The following ATAD2B variants were observed in gnomAD, a reference collection of about 807,000 sequenced individuals.
The protein encoded by ATAD2B is ATPase family AAA domain containing 2B.
A neutral mutation model predicts 167.6 loss-of-function variants in ATAD2B; 40 were observed. The observed-to-expected ratio is 0.24, with a 90% CI of 0.19 to 0.31. ATAD2B has a LOEUF of 0.31. Among genes scored for constraint, ATAD2B ranks in the 10% least tolerant of loss-of-function variants. The pLI is 1.00. For synonymous variants in ATAD2B, 579 were observed against 596.5 expected (o/e 0.97, Z 0.43); for missense variants, 1,242 against 1,757.2 (o/e 0.71, Z 5.24).
intron 2 of ATAD2B, among the ~76,000 whole-genome samples, chr2:23,889,597 G>C (rs1460742511): frequency 2.0e-5 from 3 of 152,034 alleles, no homozygotes; most frequent in Non-Finnish European, 4.4e-5. Flanking sequence ...GCCCAGCAAA[G>C]GTCACAGTTA....
At chr2:23,849,746 T>G (rs150837366) in intron 13 of ATAD2B, among the ~76,000 whole-genome samples, 3,135 of 152,194 alleles carry the variant, frequency 0.021, 56 homozygotes, top group South Asian at 0.031. Context: ...AAGAATCACT[T>G]GAACCTTGGA....
chr2:23,887,839 C>T lies in ATAD2B; in HGVS notation c.565G>A (p.Val189Ile). The T allele has an allele frequency of 2.5e-6, 4 of 1,596,396 alleles. No homozygotes were observed. Among genetic ancestry groups the T allele is most frequent in the Non-Finnish European group, 3.4e-6 (4 of 1,173,580 alleles). Residue 189 changes from valine to isoleucine, a missense_variant, in exon 4 of 28, where the codon GTA becomes ATA. Coordinates refer to ENST00000238789, the MANE Select transcript of ATAD2B (RefSeq NM_017552.4). ...VNQSLLFDQLVNSTAEAVLQE... is the reference protein window; with the variant it reads ...VNQSLLFDQLINSTAEAVLQE... ...AATACTTGGCATTCATACCTATTTA[C>T]TAGTTGATCAAATAACAAACTCTGG...
chr2:23,683,371 G>A, the ATAD2B span, among the ~76,000 whole-genome samples: 1 of 152,270 alleles, frequency 6.6e-6, no homozygotes, highest in Admixed American at 6.5e-5. Context: ...TTAAGGGCAG[G>A]CTTTGCCCAG....
chr2:23,820,808 C>T (rs1378236770), intron 16 of ATAD2B, among the ~76,000 whole-genome samples: 1 of 151,980 alleles, frequency 6.6e-6, no homozygotes, highest in Admixed American at 6.6e-5. Flanking sequence ...ATTAGCCGGG[C>T]GTGGTGGCAG....
intron 1 of ATAD2B, among the ~76,000 whole-genome samples, chr2:23,903,042 C>A (rs1026590603): frequency 6.6e-6 from 1 of 151,988 alleles, no homozygotes; most frequent in Non-Finnish European, 1.5e-5. Flanking sequence ...CGAGCCCAGC[C>A]TGGGCAAAAT....
At chr2:23,773,312 C>T (rs1015403491) in intron 22 of ATAD2B, among the ~76,000 whole-genome samples, 1 of 152,000 alleles carries the variant, frequency 6.6e-6, no homozygotes, top group African/African-American at 2.4e-5. Context: ...TTCAGACAAG[C>T]CTGAGCAACA....
chr2:23,738,247 T>G, the ATAD2B span, among the ~76,000 whole-genome samples: 17 of 152,234 alleles, frequency 1.1e-4, no homozygotes, highest in Middle Eastern at 3.4e-3. Flanking sequence ...CACATAATTG[T>G]CAGATTCACC....
chr2:23,797,995 A>G (rs928254968), intron 19 of ATAD2B, 143 bp downstream of exon 19: 4 of 500,708 alleles, frequency 8.0e-6, no homozygotes, highest in Non-Finnish European at 1.4e-5. Flanking sequence ...ACTTACCTAC[A>G]TCATACAGCT....
At chr2:23,872,019 A>G (rs2150115519) in intron 8 of ATAD2B, among the ~76,000 whole-genome samples, 2 of 152,264 alleles carry the variant, frequency 1.3e-5, no homozygotes, top group Non-Finnish European at 2.9e-5. Context: ...CTGGGATTAC[A>G]GGTGCACACC....
At chr2:23,916,031 A>G (rs1372921190) in intron 1 of ATAD2B, among the ~76,000 whole-genome samples, 1 of 152,216 alleles carries the variant, frequency 6.6e-6, no homozygotes, top group Non-Finnish European at 1.5e-5. Flanking sequence ...AACTAATTAC[A>G]TTAATAAGTA....
intron 20 of ATAD2B, 36 bp downstream of exon 20, chr2:23,788,476 T>C: frequency 6.2e-7 from 1 of 1,602,264 alleles, no homozygotes; most frequent in Non-Finnish European, 8.5e-7. Flanking sequence ...CTTAACTCCA[T>C]CCCTCCCATT....
chr2:23,877,227 G>A (rs1697001630), intron 7 of ATAD2B, among the ~76,000 whole-genome samples: 1 of 151,836 alleles, frequency 6.6e-6, no homozygotes. Flanking sequence ...CCTAGGCAAC[G>A]CGGTAAGAAC....
chr2:23,839,377 A>G (rs1388226524), intron 13 of ATAD2B, among the ~76,000 whole-genome samples: 2 of 152,108 alleles, frequency 1.3e-5, no homozygotes, highest in Admixed American at 1.3e-4. Flanking sequence ...GTTTGTTGTA[A>G]GTTTTTCTGC....
At chr2:23,855,635 T>C (rs1693270513) in intron 13 of ATAD2B, among the ~76,000 whole-genome samples, 1 of 152,216 alleles carries the variant, frequency 6.6e-6, no homozygotes, top group East Asian at 1.9e-4. Flanking sequence ...CAAAAACTTG[T>C]AGAGACGCTT....
At chr2:23,759,393 A>G (rs1676373948) in intron 24 of ATAD2B, among the ~76,000 whole-genome samples, 1 of 152,190 alleles carries the variant, frequency 6.6e-6, no homozygotes, top group South Asian at 2.1e-4. Flanking sequence ...ACAGAAAGGA[A>G]TATGGTCTTT....
At chr2:23,733,379 G>C in the ATAD2B span, among the ~76,000 whole-genome samples, 1 of 152,098 alleles carries the variant, frequency 6.6e-6, no homozygotes, top group Non-Finnish European at 1.5e-5. Context: ...CTTTTGAGAA[G>C]GTATGATTAG....
intron 22 of ATAD2B, among the ~76,000 whole-genome samples, chr2:23,772,735 G>A (rs1310319928): frequency 1.3e-5 from 2 of 151,896 alleles, no homozygotes; most frequent in African/African-American, 4.8e-5. Context: ...GCTTTTTTGG[G>A]GGGATGGGGG....
the ATAD2B span, among the ~76,000 whole-genome samples, chr2:23,716,438 A>ACTG: frequency 6.7e-6 from 1 of 150,090 alleles, no homozygotes; most frequent in African/African-American, 2.4e-5. Flanking sequence ...GGGACCTTTC[A>ACTG]TTGTTGTTGT....
the ATAD2B span, among the ~76,000 whole-genome samples, chr2:23,685,123 G>A: frequency 1.8e-3 from 274 of 152,370 alleles, 1 homozygote; most frequent in Non-Finnish European, 3.2e-3. Flanking sequence ...CTAAACCGGC[G>A]CTGTGGAGCA....
Sources: allele counts gnomAD v4.1 joint callset (sites outside exome capture counted in the v4.1 genomes callset), GRCh38; gene constraint gnomAD v4.1.1; transcripts MANE v1.5; gene names NCBI Gene and HGNC (gene_info 2026-07-23, HGNC 2026-07-21).